ADAP1: variants seen among roughly 807,000 people sequenced by gnomAD.
The protein encoded by ADAP1 is arf-GAP with dual PH domain-containing protein 1.
Under a neutral mutation model 54.9 loss-of-function variants are expected in ADAP1, and 31 were observed. That is an observed-to-expected ratio of 0.56 (90% CI 0.42 to 0.76). ADAP1 has a LOEUF of 0.76. Among genes scored for constraint, ADAP1 ranks in the 30% least tolerant of loss-of-function variants. ADAP1 has a pLI of 0.00. For synonymous variants in ADAP1, 313 were observed against 202.6 expected (o/e 1.55, Z -4.63); for missense variants, 535 against 512.4 (o/e 1.04, Z -0.42).
At chr7:913,464 G>A (rs1159676660) in intron 4 of ADAP1, among the ~76,000 whole-genome samples, 1 of 152,004 alleles carries the variant, frequency 6.6e-6, no homozygotes, top group Non-Finnish European at 1.5e-5. Flanking sequence ...GCCTCCCAAA[G>A]TGCTGGGATT....
chr7:944,348 G>A (rs955841348), intron 1 of ADAP1, among the ~76,000 whole-genome samples: 16 of 149,498 alleles, frequency 1.1e-4, no homozygotes, highest in African/African-American at 3.2e-4. Context: ...TTTGCCTCTC[G>A]GGTTCAAGCA....
chr7:902,855 G>T (rs571131060), intron 6 of ADAP1, among the ~76,000 whole-genome samples: 1 of 152,314 alleles, frequency 6.6e-6, no homozygotes, highest in African/African-American at 2.4e-5. Context: ...GGAATCCGTG[G>T]TGCAAAGCCT....
chr7:905,550 G>GGGAGAAAGGAGAAAGGAGAAAGGAGAAA (rs1845163830), intron 4 of ADAP1: 5 of 6,092 alleles, frequency 8.2e-4, no homozygotes, highest in South Asian at 5.2e-3. Flanking sequence ...GAAGGGAGAA[G>GGGAGAAAGGAGAAAGGAGAAAGGAGAAA]GGAGAAAGGA....
chr7:904,334 A>G, intron 5 of ADAP1, 62 bp from the exon 6 acceptor site: 1 of 1,519,170 alleles, frequency 6.6e-7, no homozygotes, highest in East Asian at 2.4e-5. Flanking sequence ...AGGGAGCAGG[A>G]AGGGCAGACC....
chr7:915,342 C>G (rs987803082), intron 4 of ADAP1, among the ~76,000 whole-genome samples: 4 of 152,208 alleles, frequency 2.6e-5, no homozygotes, highest in African/African-American at 9.6e-5. Flanking sequence ...TCCTCACACC[C>G]ATCCAGGGGA....
chr7:906,939 T>C (rs1165611577), intron 4 of ADAP1, among the ~76,000 whole-genome samples: 1 of 151,946 alleles, frequency 6.6e-6, no homozygotes, highest in Non-Finnish European at 1.5e-5. Context: ...AGCTGTCCTT[T>C]ACTGGCCCCC....
rs966103658 is a variant in ADAP1 at position 944,144 on chromosome 7, T to G, written c.83-8639A>C. On this transcript the variant is annotated intron_variant, in intron 1 of 10. Transcript: ENST00000265846. The stretch of plus-strand genomic sequence containing the variant: ...ATTGCCCAGGCTGGTCTCTAACTTC[T>G]GGGCTCAAGCAGTCCTTCCACCTCA... 1.6e-4 allele frequency among the ~76,000 whole-genome samples: 25 copies of G among 152,100 alleles called. 1 individual carries two copies. Among genetic ancestry groups the G allele is most frequent in the Non-Finnish European group, 1.5e-5 (1 of 68,004 alleles).
chr7:900,753 C>G, intron 6 of ADAP1, 137 bp from the exon 7 acceptor site: 1 of 753,050 alleles, frequency 1.3e-6, no homozygotes, highest in Non-Finnish European at 2.2e-6. Flanking sequence ...CCTCAGCTCC[C>G]AGCAGTCCTG....
At position 946,199 on chromosome 7, in the gene ADAP1, T is replaced by G. The variant is rs1321918829; in HGVS notation, c.82+8197A>C. ...CCCCTCTCCAACTCCACCTCCGTGT[T>G]TTCCGCATATTGTCTCCCAGTTACC... On this transcript the variant is annotated intron_variant, in intron 1 of 10. Transcript: ENST00000265846. The surrounding 1 kb of genome is among the most constrained non-coding windows in gnomAD (Gnocchi z 4.3). Among the ~76,000 whole-genome samples the G allele has an allele frequency of 1.3e-5, 2 of 151,986 alleles. No individual in the cohort carries two copies. The highest frequency in any genetic ancestry group is 3.9e-4 in the East Asian group (2 of 5,160).
chr7:915,769 C>T (rs1425906191), intron 4 of ADAP1, among the ~76,000 whole-genome samples: 1 of 152,162 alleles, frequency 6.6e-6, no homozygotes, highest in African/African-American at 2.4e-5. Flanking sequence ...ACCTCCTGGC[C>T]CTGAGCCCAA....
At chr7:924,817 C>T (rs1310740029) in intron 3 of ADAP1, among the ~76,000 whole-genome samples, 3 of 151,984 alleles carry the variant, frequency 2.0e-5, no homozygotes, top group Non-Finnish European at 2.9e-5. Flanking sequence ...TGACCCAGGC[C>T]ACAGAGCAGC....
intron 1 of ADAP1, among the ~76,000 whole-genome samples, chr7:949,224 G>A (rs943452248): frequency 2.6e-5 from 4 of 152,244 alleles, no homozygotes; most frequent in Non-Finnish European, 5.9e-5. Flanking sequence ...CACCACTGGA[G>A]TTCAGCCCTT....
chr7:929,265 G>A (rs1364348876), intron 2 of ADAP1, among the ~76,000 whole-genome samples: 4 of 150,578 alleles, frequency 2.7e-5, no homozygotes, highest in Non-Finnish European at 5.9e-5. Flanking sequence ...GCACTCCAGC[G>A]TGGCTGACAG....
chr7:920,499 C>T lies in ADAP1; in HGVS notation c.306-449G>A, dbSNP rs549615356. On this transcript the variant is annotated intron_variant, in intron 3 of 10. Transcript: ENST00000265846. This position sits in a 1 kb window ranked among gnomAD's most constrained non-coding sequence, Gnocchi z 4.5. ...TGGCCGCGGCGCCGCCCTCCACCCA[C>T]CGTGCTGCCACCTTGCACCCCCCGT... 2.0e-5 allele frequency among the ~76,000 whole-genome samples: 3 copies of T among 151,756 alleles called. No homozygotes were observed. The East Asian group carries it at 5.8e-4, about 30-fold the overall frequency.
chr7:909,690 C>T (rs1026442045), intron 4 of ADAP1, among the ~76,000 whole-genome samples: 2 of 152,260 alleles, frequency 1.3e-5, no homozygotes, highest in African/African-American at 2.4e-5. Context: ...GCCCCTCACA[C>T]GGCAGCGTCC....
rs576267398 is a variant in ADAP1 at position 926,794 on chromosome 7, C to T, written c.214-150G>A. On this transcript the variant is annotated intron_variant, in intron 2 of 10. Transcript: ENST00000265846. The surrounding 1 kb of genome is among the most constrained non-coding windows in gnomAD (Gnocchi z 4.6). ...ACCAGGACGGGAACGCCACCTCCTCCTGCCCCAGGGACACCATTTCTGAGT... is the reference window on the plus strand; with the variant it reads ...ACCAGGACGGGAACGCCACCTCCTCTTGCCCCAGGGACACCATTTCTGAGT... The T allele has an allele frequency of 8.4e-4, 615 of 733,474 alleles. 10 individuals are homozygous for T. The South Asian group carries it at 0.01, about 12-fold the overall frequency. 45.4% of individuals were successfully genotyped at this position (733,474 alleles called of 1,614,324 possible). A position where few individuals can be genotyped will look rare whatever the true frequency, so the allele number is the denominator to read the frequency against.
intron 4 of ADAP1, among the ~76,000 whole-genome samples, chr7:908,080 G>A (rs1373509267): frequency 6.6e-6 from 1 of 152,148 alleles, no homozygotes; most frequent in African/African-American, 2.4e-5. Flanking sequence ...CCATCCTGCT[G>A]GCCATGTGGC....
chr7:930,537 G>A (rs1846540090), intron 2 of ADAP1, among the ~76,000 whole-genome samples: 1 of 151,504 alleles, frequency 6.6e-6, no homozygotes, highest in Non-Finnish European at 1.5e-5. Flanking sequence ...TAATTAGCCA[G>A]GGCTGGCGCG....
At chr7:942,621 A>G (rs1583184678) in intron 1 of ADAP1, among the ~76,000 whole-genome samples, 2 of 32,388 alleles carry the variant, frequency 6.2e-5, no homozygotes, top group African/African-American at 1.0e-4. Context: ...GAAGGGAGAG[A>G]GGAGGAGGAA....
Sources: allele counts gnomAD v4.1 joint callset (sites outside exome capture counted in the v4.1 genomes callset), GRCh38; gene constraint gnomAD v4.1.1; non-coding constraint Gnocchi (gnomAD v3.1); transcripts MANE v1.5; gene names NCBI Gene and HGNC (gene_info 2026-07-23, HGNC 2026-07-21).